The following CHSY3 variants were observed in gnomAD, a reference collection of about 807,000 sequenced individuals.
CHSY3 encodes N-acetylgalactosaminyl-proteoglycan 3-beta-glucuronosyltransferase 3.
Under a neutral mutation model 67.2 loss-of-function variants are expected in CHSY3, and 35 were observed. That is an observed-to-expected ratio of 0.52 (90% CI 0.40 to 0.69). CHSY3 has a LOEUF of 0.69. CHSY3 is among the 30% of genes least tolerant of loss of function. The pLI, the probability that CHSY3 is intolerant of heterozygous loss-of-function variation, is 0.00. For synonymous variants in CHSY3, 474 were observed against 434.7 expected (o/e 1.09, Z -1.12); for missense variants, 1,069 against 1,138.5 (o/e 0.94, Z 0.88).
At chr5:129,989,662 A>G (rs1360702874) in intron 2 of CHSY3, among the ~76,000 whole-genome samples, 1 of 152,196 alleles carries the variant, frequency 6.6e-6, no homozygotes, top group Non-Finnish European at 1.5e-5. Context: ...TTAAAAACAC[A>G]TCTTGCAGCA....
chr5:130,023,750 T>C (rs1764458047), intron 2 of CHSY3, among the ~76,000 whole-genome samples: 1 of 152,012 alleles, frequency 6.6e-6, no homozygotes, highest in Non-Finnish European at 1.5e-5. Context: ...GGCTTACATG[T>C]AACACCCTCC....
At chr5:130,100,990 G>T (rs112634612) in intron 2 of CHSY3, among the ~76,000 whole-genome samples, 1 of 152,118 alleles carries the variant, frequency 6.6e-6, no homozygotes, top group East Asian at 1.9e-4. Context: ...CAGTTGGGTC[G>T]CCCCAGAGGT....
At position 129,904,550 on chromosome 5, in the gene CHSY3, G is replaced by A. The variant is rs1581346936; in HGVS notation, c.-280G>A. The A allele has an allele frequency of 5.6e-6, 2 of 356,054 alleles. No individual in the cohort carries two copies. The highest frequency in any genetic ancestry group is 5.3e-5 in the East Asian group (1 of 18,716). 22.1% of individuals were successfully genotyped at this position (356,054 alleles called of 1,614,324 possible). A position where few individuals can be genotyped will look rare whatever the true frequency, so the allele number is the denominator to read the frequency against. ...TCCTGCAGCTCCTCCAGCTGCCGCTGCTGCCGCCGCTGCCGCCACCGCCGC... is the reference window on the plus strand; with the variant it reads ...TCCTGCAGCTCCTCCAGCTGCCGCTACTGCCGCCGCTGCCGCCACCGCCGC... On this transcript the variant is annotated 5_prime_UTR_variant, in exon 1 of 3. Coordinates refer to ENST00000305031, the MANE Select transcript of CHSY3 (RefSeq NM_175856.5).
intron 2 of CHSY3, among the ~76,000 whole-genome samples, chr5:130,085,056 A>G (rs556664451): frequency 2.6e-4 from 39 of 152,116 alleles, no homozygotes; most frequent in African/African-American, 9.4e-4. Flanking sequence ...ATAATGAGGC[A>G]TATCCTACCT....
intron 2 of CHSY3, among the ~76,000 whole-genome samples, chr5:130,102,012 A>G (rs931878369): frequency 6.6e-6 from 1 of 152,118 alleles, no homozygotes; most frequent in African/African-American, 2.4e-5. Context: ...ATGAAAAACA[A>G]CATTGTTTTG....
At chr5:129,924,635 A>G (rs976037313) in intron 2 of CHSY3, among the ~76,000 whole-genome samples, 2 of 124,972 alleles carry the variant, frequency 1.6e-5, no homozygotes, top group Non-Finnish European at 1.8e-5. Context: ...ACAGAGTGAG[A>G]CTCCCTCTAA....
At chr5:130,024,019 T>C (rs1341372072) in intron 2 of CHSY3, among the ~76,000 whole-genome samples, 2 of 151,556 alleles carry the variant, frequency 1.3e-5, no homozygotes, top group Admixed American at 6.6e-5. Flanking sequence ...TCTTAAAGTT[T>C]TTAAACAGTT....
intron 2 of CHSY3, among the ~76,000 whole-genome samples, chr5:130,148,686 T>G (rs1160183045): frequency 2.0e-5 from 3 of 152,228 alleles, no homozygotes; most frequent in Non-Finnish European, 4.4e-5. Context: ...ATTGGCTATA[T>G]GTATGTCTTC....
intron 2 of CHSY3, among the ~76,000 whole-genome samples, chr5:130,067,892 A>T (rs561209097): frequency 6.6e-6 from 1 of 152,300 alleles, no homozygotes; most frequent in East Asian, 1.9e-4. Flanking sequence ...GGTTCCCCAA[A>T]ATAAATGTAG....
chr5:130,133,631 G>A (rs1301689341), intron 2 of CHSY3, among the ~76,000 whole-genome samples: 1 of 151,812 alleles, frequency 6.6e-6, no homozygotes, highest in Non-Finnish European at 1.5e-5. Context: ...AATTAGCTGG[G>A]TGTGGTGCCA....
chr5:130,037,699 A>C (rs1764898540), intron 2 of CHSY3, among the ~76,000 whole-genome samples: 1 of 151,998 alleles, frequency 6.6e-6, no homozygotes, highest in Non-Finnish European at 1.5e-5. Context: ...AATGTAATTT[A>C]TTTTCTTTTA....
intron 2 of CHSY3, among the ~76,000 whole-genome samples, chr5:130,171,692 TA>T (rs879922791): frequency 6.6e-6 from 1 of 152,078 alleles, no homozygotes; most frequent in African/African-American, 2.4e-5. Flanking sequence ...CTAAAATAGC[TA>T]AAAAAAATGA....
intron 2 of CHSY3, among the ~76,000 whole-genome samples, chr5:130,129,358 C>T (rs1009971228): frequency 1.3e-5 from 2 of 152,138 alleles, no homozygotes; most frequent in Non-Finnish European, 2.9e-5. Context: ...AGAATCTCTA[C>T]TCATGATATG....
chr5:129,905,337 C>T lies in CHSY3; in HGVS notation c.508C>T (p.Arg170Trp), dbSNP rs1482942797. 1 of 1,547,206 alleles carries T rather than the reference C, an allele frequency of 6.5e-7. No individual in the cohort carries two copies. The highest frequency in any genetic ancestry group is 1.2e-5 in the South Asian group (1 of 86,164). ...CGCTGCCGCCCCGAGCGCCCGACCC[C>T]GGGACTTCCTGTACGTGGGGGTGAT... is the stretch of plus-strand genomic sequence containing the variant. Reference protein sequence around the residue: ...GGAAAPSARPRDFLYVGVMTA... With the variant: ...GGAAAPSARPWDFLYVGVMTA... The change falls in exon 1 of 3, where the codon CGG (arginine) becomes TGG (tryptophan). Residue 170 changes from arginine to tryptophan, a missense_variant. Transcript: ENST00000305031.
rs369685634 is a variant in CHSY3 at position 130,110,549 on chromosome 5, A to G, written c.1087-73680A>G. Among the ~76,000 whole-genome samples the G allele has an allele frequency of 1.1e-4, 17 of 152,120 alleles. No homozygotes were observed. In the South Asian group the frequency reaches 2.9e-3, roughly 26 times the overall value. The stretch of plus-strand genomic sequence containing the variant: ...ATTCTGCCCAGAGGGTTTTGTGCTG[A>G]CAGTATGTGAAGCCCAGACCTCATA... On this transcript the variant is annotated intron_variant, in intron 2 of 2. Coordinates refer to ENST00000305031, the MANE Select transcript of CHSY3 (RefSeq NM_175856.5).
intron 2 of CHSY3, among the ~76,000 whole-genome samples, chr5:129,944,217 C>T (rs1456534151): frequency 2.0e-5 from 3 of 152,198 alleles, no homozygotes; most frequent in African/African-American, 7.2e-5. Context: ...CCCATCTGAA[C>T]ATCCATGAGT....
intron 2 of CHSY3, among the ~76,000 whole-genome samples, chr5:130,050,908 A>G (rs1765323623): frequency 6.6e-6 from 1 of 152,152 alleles, no homozygotes; most frequent in Admixed American, 6.6e-5. Flanking sequence ...CAGTAAGTTA[A>G]TGATTGTGTT....
At chr5:130,133,408 A>C (rs1014398098) in intron 2 of CHSY3, among the ~76,000 whole-genome samples, 2 of 152,146 alleles carry the variant, frequency 1.3e-5, no homozygotes, top group African/African-American at 4.8e-5. Context: ...TCTTGAAATT[A>C]GTGAACCATT....
chr5:129,929,262 AAG>A (rs1345324016), intron 2 of CHSY3, among the ~76,000 whole-genome samples: 1 of 152,206 alleles, frequency 6.6e-6, no homozygotes, highest in Non-Finnish European at 1.5e-5. Context: ...TGAGGAGTGA[AAG>A]AGATCAAAAT....
Sources: gnomAD v4.1 joint callset for allele counts (sites outside exome capture counted in the v4.1 genomes callset) on GRCh38, gnomAD v4.1.1 for gene constraint, MANE v1.5 for transcripts, NCBI Gene and HGNC (gene_info 2026-07-23, HGNC 2026-07-21) for gene names.